TMEM132B: variants seen among roughly 807,000 people sequenced by gnomAD.
TMEM132B encodes the protein transmembrane protein 132B.
Under a neutral mutation model 90.8 loss-of-function variants are expected in TMEM132B, and 18 were observed. The observed-to-expected ratio is 0.20, with a 90% CI of 0.14 to 0.29. TMEM132B has a LOEUF of 0.29. Among genes scored for constraint, TMEM132B ranks in the 10% least tolerant of loss-of-function variants. The probability of loss-of-function intolerance (pLI) is 1.00; values close to 1 mark genes in which losing one functional copy is unlikely to be tolerated. For synonymous variants in TMEM132B, 504 were observed against 523.3 expected (o/e 0.96, Z 0.50); for missense variants, 1,096 against 1,326.8 (o/e 0.83, Z 2.70).
intron 2 of TMEM132B, among the ~76,000 whole-genome samples, chr12:125,395,230 A>G (rs1232410721): frequency 6.6e-6 from 1 of 152,172 alleles, no homozygotes; most frequent in African/African-American, 2.4e-5. Flanking sequence ...AGAGGTGAAA[A>G]AAATTCATTA....
chr12:125,529,952 G>T (rs189487572), intron 4 of TMEM132B, among the ~76,000 whole-genome samples: 1 of 152,104 alleles, frequency 6.6e-6, no homozygotes, highest in African/African-American at 2.4e-5. Flanking sequence ...ATATGGGGCC[G>T]CAGGAGTTCA....
chr12:125,466,640 G>T (rs1254860866), intron 3 of TMEM132B, among the ~76,000 whole-genome samples: 5 of 152,228 alleles, frequency 3.3e-5, no homozygotes, highest in Non-Finnish European at 7.3e-5. Flanking sequence ...GAGGTTCTTT[G>T]TAGTTGAGGA....
At chr12:125,229,603 A>T (rs1873769335) in intron 1 of TMEM132B, among the ~76,000 whole-genome samples, 1 of 152,254 alleles carries the variant, frequency 6.6e-6, no homozygotes. Context: ...TCTATAGAAA[A>T]ATAGTCAAAT....
At chr12:125,306,740 C>G (rs1361693125) in intron 1 of TMEM132B, among the ~76,000 whole-genome samples, 1 of 152,258 alleles carries the variant, frequency 6.6e-6, no homozygotes, top group African/African-American at 2.4e-5. Context: ...CTTCCCACAA[C>G]AACCAAAGCA....
At chr12:125,441,762 G>A (rs1002922140) in intron 3 of TMEM132B, among the ~76,000 whole-genome samples, 3 of 152,350 alleles carry the variant, frequency 2.0e-5, no homozygotes, top group Admixed American at 2.0e-4. Context: ...GATCACTCGT[G>A]TGAATTTAGT....
In TMEM132B at chr12:125,387,461, C is replaced by G. The variant is rs377714242; in HGVS notation, c.960-28070C>G. Among the ~76,000 whole-genome samples the G allele has an allele frequency of 3.9e-5, 6 of 152,352 alleles. No homozygotes were observed. In the East Asian group the frequency reaches 9.6e-4, roughly 24 times the overall value. On this transcript the variant is annotated intron_variant, in intron 2 of 8. Transcript: ENST00000682704. ...GCAGTGCCAACTGGAGCTTGGTCTT[C>G]TTGGTCTTTTGTGTGTCCCTACATA...
At chr12:125,552,145 A>G (rs904069906) in intron 4 of TMEM132B, among the ~76,000 whole-genome samples, 2 of 152,230 alleles carry the variant, frequency 1.3e-5, no homozygotes, top group African/African-American at 4.8e-5. Context: ...AATTTTCTTC[A>G]CAGATGAACA....
Position 125,349,446 on chromosome 12 carries a change from G to A in TMEM132B, c.68-6G>A. The A allele has an allele frequency of 6.3e-7, 1 of 1,597,490 alleles. No individual in the cohort carries two copies. The highest frequency in any genetic ancestry group is 1.1e-5 in the South Asian group (1 of 88,386). ...TTTTATTCTTTTGCTTTCCTTTCTTGTGCAGTGACAGAGAGTCGAGGGATT... is the reference window on the plus strand; with the variant it reads ...TTTTATTCTTTTGCTTTCCTTTCTTATGCAGTGACAGAGAGTCGAGGGATT... On this transcript the variant is annotated splice_polypyrimidine_tract_variant and splice_region_variant and intron_variant, in intron 1 of 8. Transcript: ENST00000682704. This position sits in a 1 kb window ranked among gnomAD's most constrained non-coding sequence, Gnocchi z 4.1.
At chr12:125,279,615 G>C (rs1875102886) in intron 1 of TMEM132B, among the ~76,000 whole-genome samples, 1 of 152,190 alleles carries the variant, frequency 6.6e-6, no homozygotes, top group East Asian at 1.9e-4. Context: ...GGGAGGAAGA[G>C]AGAATATAAG....
rs545860674 is a variant in TMEM132B at position 125,655,017 on chromosome 12, G to A, written c.*307G>A. On this transcript the variant is annotated 3_prime_UTR_variant, in exon 9 of 9. Transcript: ENST00000682704. ...CCCCACAGACATTGTTAGTCATCTC[G>A]TGACAAATGGCCATGTGGAATTAGA... is the stretch of plus-strand genomic sequence containing the variant. 764 of 263,936 alleles carry A rather than the reference G, an allele frequency of 2.9e-3. 3 individuals carry two copies. Among genetic ancestry groups the A allele is most frequent in the Non-Finnish European group, 4.4e-3 (617 of 139,094 alleles). 16.3% of individuals were successfully genotyped at this position (263,936 alleles called of 1,614,324 possible).
Position 125,498,055 on chromosome 12 carries a change from C to T in TMEM132B, c.1107-21384C>T, listed in dbSNP as rs902027006. ...AAGGGGAAGAGAGCCCTGAAATTCT[C>T]CCACTAGCAATTAAATGATCAGTCC... On this transcript the variant is annotated intron_variant, in intron 3 of 8. Transcript: ENST00000682704. This position sits in a 1 kb window ranked among gnomAD's most constrained non-coding sequence, Gnocchi z 4.5. 6.6e-6 allele frequency among the ~76,000 whole-genome samples: 1 copy of T among 152,192 alleles called. No homozygotes were observed. The highest frequency in any genetic ancestry group is 2.4e-5 in the African/African-American group (1 of 41,448).
intron 4 of TMEM132B, 128 bp from the exon 5 acceptor site, chr12:125,583,723 C>G (rs1320855787): frequency 8.9e-7 from 1 of 1,121,692 alleles, no homozygotes; most frequent in Non-Finnish European, 1.3e-6. Context: ...GTGGCTTTGT[C>G]CCTTCAGACA....
intron 2 of TMEM132B, among the ~76,000 whole-genome samples, chr12:125,364,588 T>C (rs1186666195): frequency 6.6e-6 from 1 of 152,132 alleles, no homozygotes; most frequent in African/African-American, 2.4e-5. Flanking sequence ...TAGAGATCAA[T>C]TTATGGAGAA....
chr12:125,298,902 T>A (rs760314135), intron 1 of TMEM132B, among the ~76,000 whole-genome samples: 1 of 150,606 alleles, frequency 6.6e-6, no homozygotes, highest in Non-Finnish European at 1.5e-5. Flanking sequence ...CACGGCTAAT[T>A]TTTTGTATTT....
intron 5 of TMEM132B, among the ~76,000 whole-genome samples, chr12:125,621,682 T>C (rs1410751154): frequency 2.0e-5 from 3 of 152,274 alleles, no homozygotes; most frequent in Non-Finnish European, 2.9e-5. Flanking sequence ...TTGATTTGCA[T>C]TGGCCAGCAA....
intron 5 of TMEM132B, among the ~76,000 whole-genome samples, chr12:125,592,249 T>C (rs1340688990): frequency 6.6e-6 from 1 of 152,028 alleles, no homozygotes; most frequent in African/African-American, 2.4e-5. Flanking sequence ...GTAAATGAAT[T>C]GTGGTTTTCA....
chr12:125,542,016 C>T (rs1014996932), intron 4 of TMEM132B, among the ~76,000 whole-genome samples: 1 of 141,752 alleles, frequency 7.1e-6, no homozygotes, highest in Non-Finnish European at 1.5e-5. Context: ...CAGAGCAAAA[C>T]CCCCGTCTCA....
At chr12:125,523,044 T>G (rs1482449954) in intron 4 of TMEM132B, among the ~76,000 whole-genome samples, 2 of 152,166 alleles carry the variant, frequency 1.3e-5, no homozygotes, top group Non-Finnish European at 2.9e-5. Context: ...TTTTTCAGCA[T>G]GGTGCCGAAT....
intron 1 of TMEM132B, among the ~76,000 whole-genome samples, chr12:125,319,936 C>G (rs990844726): frequency 2.1e-4 from 32 of 152,144 alleles, no homozygotes; most frequent in African/African-American, 7.5e-4. Flanking sequence ...GGATTGCTTG[C>G]ACCTGGGAGG....
Sources: gnomAD v4.1 joint callset for allele counts (sites outside exome capture counted in the v4.1 genomes callset) on GRCh38, gnomAD v4.1.1 for gene constraint, Gnocchi (gnomAD v3.1) non-coding constraint, MANE v1.5 for transcripts, NCBI Gene and HGNC (gene_info 2026-07-23, HGNC 2026-07-21) for gene names.